RTL4: variants seen among roughly 807,000 people sequenced by gnomAD.
RTL4 encodes the protein retrotransposon Gag like 4.
Under a neutral mutation model 5.3 loss-of-function variants are expected in RTL4, and 4 were observed. The ratio of observed to expected loss-of-function variants is 0.75; its 90% CI spans 0.37 to 1.72. RTL4 has a LOEUF of 1.72. RTL4 is among the 40% of genes most tolerant of loss of function. RTL4 has a pLI of 0.04. For synonymous variants in RTL4, 98 were observed against 87.3 expected (o/e 1.12, Z -0.68); for missense variants, 260 against 227.1 (o/e 1.14, Z -0.93).
chrX:112,302,806 G>A, the RTL4 span, among the ~76,000 whole-genome samples: 110 of 112,582 alleles, frequency 9.8e-4, no homozygotes, highest in Non-Finnish European at 1.6e-3. Context: ...TTTAATAAAT[G>A]AGAACTACCA....
chrX:112,220,865 A>G, the RTL4 span, among the ~76,000 whole-genome samples: 3 of 112,010 alleles, frequency 2.7e-5, no homozygotes, highest in Admixed American at 9.5e-5. Context: ...GGTCAAAACC[A>G]TTCAACAAGT....
chrX:112,446,056 C>T, the RTL4 span, among the ~76,000 whole-genome samples: 1 of 111,269 alleles, frequency 9.0e-6, no homozygotes, highest in Admixed American at 9.6e-5. Context: ...ATTTGGGCTG[C>T]TAGAGAAGCC....
chrX:112,240,719 A>G, the RTL4 span, among the ~76,000 whole-genome samples: 7 of 111,335 alleles, frequency 6.3e-5, no homozygotes, highest in African/African-American at 2.3e-4. Flanking sequence ...GTACATGTGC[A>G]CAATATGCAG....
chrX:112,404,123 C>T, the RTL4 span, among the ~76,000 whole-genome samples: 1 of 111,256 alleles, frequency 9.0e-6, no homozygotes, highest in African/African-American at 3.3e-5. Flanking sequence ...ATTATTATGC[C>T]TTGTGTTGCT....
chrX:112,249,445 C>G, the RTL4 span, among the ~76,000 whole-genome samples: 1 of 111,241 alleles, frequency 9.0e-6, no homozygotes, highest in African/African-American at 3.3e-5. Context: ...TTTGGCTCAT[C>G]ATTGTTCTTG....
chrX:112,303,190 C>T, the RTL4 span, among the ~76,000 whole-genome samples: 15 of 111,801 alleles, frequency 1.3e-4, no homozygotes, highest in African/African-American at 4.2e-4. Context: ...AATGTATGTT[C>T]ATTGCAGTTT....
chrX:112,300,087 AATCT>A, the RTL4 span, among the ~76,000 whole-genome samples: 44 of 111,443 alleles, frequency 3.9e-4, no homozygotes, highest in South Asian at 2.2e-3. Flanking sequence ...GCACATATAA[AATCT>A]ATCTATCTAT....
chrX:112,347,326 T>G, the RTL4 span, among the ~76,000 whole-genome samples: 1 of 111,261 alleles, frequency 9.0e-6, no homozygotes, highest in Non-Finnish European at 1.9e-5. Context: ...GCTATAGGAG[T>G]TGCAAAAGGG....
chrX:112,099,284 C>T, the RTL4 span, among the ~76,000 whole-genome samples: 21 of 111,794 alleles, frequency 1.9e-4, no homozygotes, highest in South Asian at 7.4e-4. Flanking sequence ...ATAGATGCTA[C>T]GAAAGATAGT....
chrX:112,171,713 A>G, the RTL4 span, among the ~76,000 whole-genome samples: 1 of 111,885 alleles, frequency 8.9e-6, no homozygotes, highest in Non-Finnish European at 1.9e-5. Flanking sequence ...TTAACTCAAC[A>G]TAGATTAAAG....
At chrX:112,092,673 T>A in the RTL4 span, among the ~76,000 whole-genome samples, 1 of 111,322 alleles carries the variant, frequency 9.0e-6, no homozygotes, top group African/African-American at 3.3e-5. Context: ...AGGGACCTGG[T>A]GGGAGATGAT....
chrX:112,112,809 G>A, the RTL4 span, among the ~76,000 whole-genome samples: 2 of 111,895 alleles, frequency 1.8e-5, no homozygotes, highest in Non-Finnish European at 3.8e-5. Flanking sequence ...AAGTTGGGAC[G>A]TGTGGTCTCT....
the RTL4 span, among the ~76,000 whole-genome samples, chrX:112,351,338 A>G: frequency 4.7e-5 from 5 of 106,883 alleles, no homozygotes; most frequent in Middle Eastern, 4.7e-3. Flanking sequence ...AAAAATGTAT[A>G]TTCTGTTGAT....
chrX:112,444,516 C>T, the RTL4 span, among the ~76,000 whole-genome samples: 1 of 111,909 alleles, frequency 8.9e-6, no homozygotes, highest in African/African-American at 3.2e-5. Context: ...TGCATTGAAT[C>T]TATACATTGC....
At chrX:112,379,944 C>T in the RTL4 span, among the ~76,000 whole-genome samples, 1 of 111,014 alleles carries the variant, frequency 9.0e-6, no homozygotes, top group African/African-American at 3.3e-5. Context: ...AAGAACAATT[C>T]AATCACCTGA....
chrX:112,429,447 T>C, the RTL4 span, among the ~76,000 whole-genome samples: 1 of 111,350 alleles, frequency 9.0e-6, no homozygotes, highest in Non-Finnish European at 1.9e-5. Flanking sequence ...ACAAGTACCT[T>C]ATAATAACGA....
chrX:112,144,177 G>A, the RTL4 span, among the ~76,000 whole-genome samples: 1 of 110,962 alleles, frequency 9.0e-6, no homozygotes, highest in South Asian at 3.8e-4. Context: ...CTTGGGGTGG[G>A]ATCCCTAAAA....
At chrX:112,098,099 T>A in the RTL4 span, among the ~76,000 whole-genome samples, 5 of 104,708 alleles carry the variant, frequency 4.8e-5, no homozygotes, top group Admixed American at 1.0e-4. Context: ...CCTAATGCTA[T>A]CTCTCCCCCC....
chrX:112,374,407 A>C, the RTL4 span, among the ~76,000 whole-genome samples: 1 of 111,761 alleles, frequency 8.9e-6, no homozygotes, highest in African/African-American at 3.2e-5. Flanking sequence ...ACTTTATAGT[A>C]AAATTTAAAA....
Sources: gnomAD v4.1 joint callset for allele counts (sites outside exome capture counted in the v4.1 genomes callset) on GRCh38, gnomAD v4.1.1 for gene constraint, MANE v1.5 for transcripts, NCBI Gene and HGNC (gene_info 2026-07-23, HGNC 2026-07-21) for gene names.